Variants in LRRC37A2 observed in about 807,000 individuals in gnomAD.
LRRC37A2 encodes leucine-rich repeat-containing protein 37A2.
In LRRC37A2, 9 loss-of-function variants were observed where a neutral mutation model predicts 68.8. The ratio of observed to expected loss-of-function variants is 0.13; its 90% CI spans 0.08 to 0.23. The LOEUF (loss-of-function observed/expected upper bound fraction) is 0.23. Among genes scored for constraint, LRRC37A2 ranks in the 10% least tolerant of loss-of-function variants. The pLI is 1.00. For missense variants in LRRC37A2, 168 were observed against 950.4 expected, an observed-to-expected ratio of 0.18 and a Z score of 10.82; for synonymous variants, 63 against 367.6, an observed-to-expected ratio of 0.17 and a Z score of 9.48.
At chr17:46,945,062 TGTG>T in the LRRC37A2 span, among the ~76,000 whole-genome samples, 4 of 152,164 alleles carry the variant, frequency 2.6e-5, no homozygotes, top group Admixed American at 2.6e-4. Context: ...GTGCGGCCAT[TGTG>T]GTGGGGGCAT....
At chr17:46,959,855 T>G in the LRRC37A2 span, among the ~76,000 whole-genome samples, 8 of 152,220 alleles carry the variant, frequency 5.3e-5, no homozygotes, top group Non-Finnish European at 1.2e-4. Flanking sequence ...GAGCTGACTT[T>G]CTTCCCTCTC....
chr17:46,906,050 C>T, the LRRC37A2 span, among the ~76,000 whole-genome samples: 5 of 152,312 alleles, frequency 3.3e-5, no homozygotes, highest in African/African-American at 1.2e-4. Flanking sequence ...CACCTTTGTG[C>T]TGACCGCTGG....
chr17:47,014,129 T>C, the LRRC37A2 span, among the ~76,000 whole-genome samples: 7 of 151,114 alleles, frequency 4.6e-5, no homozygotes, highest in African/African-American at 1.7e-4. Context: ...CAGTGGCTCA[T>C]GCCTGTAATC....
At chr17:47,020,321 C>T in the LRRC37A2 span, among the ~76,000 whole-genome samples, 2 of 147,200 alleles carry the variant, frequency 1.4e-5, no homozygotes, top group African/African-American at 5.2e-5. Flanking sequence ...ATATGAAACA[C>T]TTCATCAGTG....
At chr17:46,937,883 T>G in the LRRC37A2 span, 1 of 153,080 alleles carries the variant, frequency 6.5e-6, no homozygotes, top group Non-Finnish European at 1.5e-5. Context: ...TTATGTATTT[T>G]TTGAGACAGG....
chr17:46,989,110 C>T, the LRRC37A2 span, among the ~76,000 whole-genome samples: 8 of 152,300 alleles, frequency 5.3e-5, no homozygotes, highest in East Asian at 1.4e-3. Context: ...GCTAGCATAG[C>T]CAAGGACTCC....
At chr17:46,479,109 G>T in the LRRC37A2 span, among the ~76,000 whole-genome samples, 2 of 31,212 alleles carry the variant, frequency 6.4e-5, 1 homozygote, top group Middle Eastern at 0.024. Context: ...AGGACAAGAG[G>T]GGGAGCTTTT....
chr17:46,710,245 A>G, the LRRC37A2 span, among the ~76,000 whole-genome samples: 3 of 152,194 alleles, frequency 2.0e-5, no homozygotes, highest in Non-Finnish European at 4.4e-5. Context: ...TCAATTGTAA[A>G]TACTAAAGTT....
the LRRC37A2 span, among the ~76,000 whole-genome samples, chr17:46,900,939 G>A: frequency 6.6e-6 from 1 of 152,020 alleles, no homozygotes; most frequent in Non-Finnish European, 1.5e-5. Flanking sequence ...GGGGAGGGGA[G>A]GTGGATAAGA....
chr17:46,663,911 T>TG, the LRRC37A2 span, among the ~76,000 whole-genome samples: 5 of 79,644 alleles, frequency 6.3e-5, no homozygotes, highest in Admixed American at 6.8e-4. Flanking sequence ...GTAGACAGCT[T>TG]GCACAGCTGC....
chr17:46,922,487 A>T, the LRRC37A2 span, among the ~76,000 whole-genome samples: 1 of 152,132 alleles, frequency 6.6e-6, no homozygotes, highest in Non-Finnish European at 1.5e-5. Context: ...TATAATAATA[A>T]AAAATAATAA....
At chr17:46,965,316 C>T in the LRRC37A2 span, among the ~76,000 whole-genome samples, 1 of 152,218 alleles carries the variant, frequency 6.6e-6, no homozygotes, top group East Asian at 1.9e-4. Flanking sequence ...CTCCCTGGTG[C>T]CCTGCTCATG....
chr17:46,969,135 C>A, the LRRC37A2 span, among the ~76,000 whole-genome samples: 5 of 152,324 alleles, frequency 3.3e-5, no homozygotes, highest in Admixed American at 6.5e-5. Context: ...GCTCTGGCTC[C>A]CCTCCACTCT....
chr17:46,896,988 C>A, the LRRC37A2 span, among the ~76,000 whole-genome samples: 1 of 152,308 alleles, frequency 6.6e-6, no homozygotes, highest in South Asian at 2.1e-4. Context: ...GACTGTGACT[C>A]TCCCACGTTC....
chr17:46,877,768 G>C, the LRRC37A2 span, among the ~76,000 whole-genome samples: 1 of 152,170 alleles, frequency 6.6e-6, no homozygotes, highest in African/African-American at 2.4e-5. Context: ...CACGAGCTAT[G>C]ACTTGAAGTT....
chr17:46,783,423 C>T, the LRRC37A2 span, among the ~76,000 whole-genome samples: 2 of 152,240 alleles, frequency 1.3e-5, no homozygotes, highest in African/African-American at 4.8e-5. Context: ...TGATGACTCT[C>T]AGCCTGGCAG....
chr17:46,551,336 G>A (rs1339511571), intron 11 of LRRC37A2, among the ~76,000 whole-genome samples: 2 of 150,402 alleles, frequency 1.3e-5, no homozygotes, highest in Admixed American at 1.3e-4. Flanking sequence ...CATATTGGAA[G>A]AGTGATTTAA....
intron 6 of LRRC37A2, among the ~76,000 whole-genome samples, chr17:46,529,550 G>C (rs74872168): frequency 2.2e-5 from 2 of 91,050 alleles, no homozygotes; most frequent in South Asian, 7.7e-4. Context: ...GCTCATGCCT[G>C]TAATCCCAGC....
the LRRC37A2 span, among the ~76,000 whole-genome samples, chr17:46,766,962 A>G: frequency 6.6e-6 from 1 of 152,170 alleles, no homozygotes; most frequent in East Asian, 1.9e-4. Context: ...AACCAGGTCT[A>G]TGAAGAATTT....
Sources: allele counts gnomAD v4.1 joint callset (sites outside exome capture counted in the v4.1 genomes callset), GRCh38; gene constraint gnomAD v4.1.1; transcripts MANE v1.5; gene names NCBI Gene and HGNC (gene_info 2026-07-23, HGNC 2026-07-21).